Variants in PRELID2 observed in about 807,000 individuals in gnomAD.
PRELID2 encodes the protein PRELI domain-containing protein 2.
Under a neutral mutation model 28.4 loss-of-function variants are expected in PRELID2, and 25 were observed. The observed-to-expected ratio is 0.88, with a 90% CI of 0.64 to 1.23. PRELID2 has a LOEUF of 1.23. Among genes scored for constraint, PRELID2 ranks in the 50% most tolerant of loss-of-function variants. PRELID2 has a pLI of 0.00. For synonymous variants in PRELID2, 76 were observed against 71.6 expected, an observed-to-expected ratio of 1.06 and a Z score of -0.31; for missense variants, 201 against 214.4, an observed-to-expected ratio of 0.94 and a Z score of 0.39.
the PRELID2 span, among the ~76,000 whole-genome samples, chr5:145,265,167 A>G: frequency 1.3e-5 from 2 of 152,018 alleles, no homozygotes; most frequent in African/African-American, 4.8e-5. Flanking sequence ...AGCAGCTACT[A>G]AGCTGAGAAT....
the PRELID2 span, among the ~76,000 whole-genome samples, chr5:145,258,253 A>G: frequency 1.3e-5 from 2 of 152,214 alleles, no homozygotes; most frequent in Non-Finnish European, 2.9e-5. Flanking sequence ...GGGCATTGCT[A>G]TAAAGATACC....
the PRELID2 span, among the ~76,000 whole-genome samples, chr5:145,448,385 T>C: frequency 6.6e-6 from 1 of 152,096 alleles, no homozygotes; most frequent in Non-Finnish European, 1.5e-5. Context: ...CTTTGTCAGA[T>C]GAGTAGGTTG....
In PRELID2 at chr5:145,531,607, G is replaced by A. The variant is rs116789009; in HGVS notation, n.71-58292C>T. ...AGACAAGGAATCTGGAAGGCCCATT[G>A]CTCGTTAAAATGTGCAGCCTCTGCA... On this transcript the variant is annotated intron_variant and non_coding_transcript_variant, in intron 1 of 2. Coordinates refer to the PRELID2 transcript ENST00000510259. 3.1e-3 allele frequency among the ~76,000 whole-genome samples: 475 copies of A among 152,278 alleles called. 4 individuals are homozygous for A. Among genetic ancestry groups the A allele is most frequent in the African/African-American group, 0.01 (427 of 41,584 alleles).
chr5:145,813,966 G>C (rs1277266626), intron 4 of PRELID2, among the ~76,000 whole-genome samples: 5 of 152,146 alleles, frequency 3.3e-5, no homozygotes, highest in African/African-American at 4.8e-5. Flanking sequence ...CTGTTTGTAA[G>C]AGCAAAAACA....
chr5:145,408,756 T>A, the PRELID2 span, among the ~76,000 whole-genome samples: 1 of 152,036 alleles, frequency 6.6e-6, no homozygotes, highest in Non-Finnish European at 1.5e-5. Context: ...TTGGCATTTG[T>A]GGGAAAGAAG....
At chr5:145,389,466 C>T in the PRELID2 span, among the ~76,000 whole-genome samples, 1 of 152,126 alleles carries the variant, frequency 6.6e-6, no homozygotes, top group African/African-American at 2.4e-5. Context: ...TTGCATAGTT[C>T]TCCAGAGAGT....
chr5:145,806,951 C>G lies in PRELID2; in HGVS notation c.369-10404G>C, dbSNP rs1203215569. Among the ~76,000 whole-genome samples, 4 of 152,202 alleles carry G rather than the reference C, an allele frequency of 2.6e-5. No individual in the cohort carries two copies. The East Asian group carries it at 7.7e-4, about 29-fold the overall frequency. On this transcript the variant is annotated intron_variant, in intron 4 of 6. Coordinates refer to ENST00000683046, the MANE Select transcript of PRELID2 (RefSeq NM_205846.3). ...CTCTTTCCTTTATAAATTACCCTGT[C>G]TCAGTTATTTCTTGATAACAGTATG...
chr5:145,549,164 C>T (rs547441174), intron 1 of PRELID2, among the ~76,000 whole-genome samples: 111 of 152,298 alleles, frequency 7.3e-4, no homozygotes, highest in African/African-American at 2.5e-3. Context: ...TGTCACAAAG[C>T]ACTTGCCCTA....
At chr5:145,632,853 T>C (rs1753951054) in intron 1 of PRELID2, among the ~76,000 whole-genome samples, 2 of 152,164 alleles carry the variant, frequency 1.3e-5, no homozygotes, top group Non-Finnish European at 2.9e-5. Context: ...AAAAGAAGCC[T>C]ATCCTAAGTG....
Position 145,717,516 on chromosome 5 carries a change from A to G in PRELID2, n.70+47415T>C, listed in dbSNP as rs142481607. On this transcript the variant is annotated intron_variant and non_coding_transcript_variant, in intron 1 of 2. Coordinates refer to the PRELID2 transcript ENST00000510259. The stretch of plus-strand genomic sequence containing the variant: ...TGTATTTGAGTAAAGAAAGAGGATA[A>G]AACGATGCACAGAAAATTGGTAGTG... Among the ~76,000 whole-genome samples the G allele has an allele frequency of 5.3e-3, 810 of 152,178 alleles. 6 individuals are homozygous for G. Among genetic ancestry groups the G allele is most frequent in the African/African-American group, 0.018 (736 of 41,564 alleles).
chr5:145,740,312 ATATATAT>A (rs1756630725), intron 1 of PRELID2, among the ~76,000 whole-genome samples: 2 of 107,490 alleles, frequency 1.9e-5, no homozygotes, highest in African/African-American at 3.6e-5. Context: ...ATATATATAT[ATATATAT>A]AAATCCTAAA....
the PRELID2 span, among the ~76,000 whole-genome samples, chr5:145,380,493 T>G: frequency 5.9e-5 from 9 of 152,230 alleles, no homozygotes; most frequent in Non-Finnish European, 1.2e-4. Flanking sequence ...CATGATTAAC[T>G]TAAAATTTCA....
At chr5:145,607,264 T>C (rs1311219583) in intron 1 of PRELID2, among the ~76,000 whole-genome samples, 1 of 152,164 alleles carries the variant, frequency 6.6e-6, no homozygotes, top group Non-Finnish European at 1.5e-5. Context: ...GCTCTGATTT[T>C]TGTTATTTCT....
At chr5:145,774,603 T>A (rs910347964) in intron 5 of PRELID2, among the ~76,000 whole-genome samples, 1 of 152,222 alleles carries the variant, frequency 6.6e-6, no homozygotes, top group East Asian at 1.9e-4. Context: ...AGCTAGAGGC[T>A]GATGACCTAT....
chr5:145,817,220 A>AATATATATATATATATATATATATATAT (rs1188735131), intron 4 of PRELID2, among the ~76,000 whole-genome samples: 42 of 66,160 alleles, frequency 6.3e-4, no homozygotes, highest in Non-Finnish European at 9.0e-4. Context: ...AATAAAAAAA[A>AATATATATATATATATATATATATATAT]ATATATATAT....
chr5:145,509,947 C>T (rs994126207), intron 1 of PRELID2, among the ~76,000 whole-genome samples: 4 of 152,090 alleles, frequency 2.6e-5, no homozygotes, highest in Admixed American at 1.3e-4. Context: ...ATAAACTGCA[C>T]CTGCTCTCGT....
At chr5:145,732,155 T>C (rs992891417) in intron 1 of PRELID2, among the ~76,000 whole-genome samples, 3 of 152,232 alleles carry the variant, frequency 2.0e-5, no homozygotes, top group Non-Finnish European at 2.9e-5. Context: ...TATGTCACTG[T>C]AGAATTCCAC....
chr5:145,391,122 A>G, the PRELID2 span, among the ~76,000 whole-genome samples: 2 of 152,258 alleles, frequency 1.3e-5, no homozygotes, highest in Admixed American at 1.3e-4. Context: ...TAGGTGCACA[A>G]CAGAAGCTGT....
chr5:145,283,671 A>AG, the PRELID2 span, among the ~76,000 whole-genome samples: 1 of 152,148 alleles, frequency 6.6e-6, no homozygotes, highest in East Asian at 1.9e-4. Context: ...CCAAAGCGAG[A>AG]GGATCTTTTA....
Sources: allele counts gnomAD v4.1 joint callset (sites outside exome capture counted in the v4.1 genomes callset), GRCh38; gene constraint gnomAD v4.1.1; transcripts MANE v1.5; gene names NCBI Gene and HGNC (gene_info 2026-07-23, HGNC 2026-07-21).